KIF26B: variants seen among roughly 807,000 people sequenced by gnomAD.
KIF26B encodes the protein kinesin family member 26B.
KIF26B carries 63 observed loss-of-function variants against 151.2 expected under a neutral mutation model. The observed-to-expected ratio is 0.42, with a 90% CI of 0.34 to 0.51. The LOEUF (loss-of-function observed/expected upper bound fraction) is 0.51. Among genes scored for constraint, KIF26B ranks in the 20% least tolerant of loss-of-function variants. The pLI, the probability that KIF26B is intolerant of heterozygous loss-of-function variation, is 0.07. For synonymous variants in KIF26B, 1,357 were observed against 1,262.1 expected, an observed-to-expected ratio of 1.08 and a Z score of -1.59; for missense variants, 2,813 against 2,913.6, an observed-to-expected ratio of 0.97 and a Z score of 0.79.
Position 245,160,027 on chromosome 1 carries a change from G to A in KIF26B, c.465+3344G>A, listed in dbSNP as rs76121847. Among the ~76,000 whole-genome samples, 407 of 152,328 alleles carry A rather than the reference G, an allele frequency of 2.7e-3. 2 individuals carry two copies. Among genetic ancestry groups the A allele is most frequent in the African/African-American group, 9.4e-3 (392 of 41,568 alleles). On this transcript the variant is annotated intron_variant, in intron 2 of 14. Coordinates refer to ENST00000407071, the MANE Select transcript of KIF26B (RefSeq NM_018012.4). ...GCAGCGAGTCTGAGCTTTCTGGAAA[G>A]AGATGGAGGCAGATTTAATAATAAA...
chr1:245,181,140 C>A (rs1238907978), intron 2 of KIF26B, among the ~76,000 whole-genome samples: 1 of 152,114 alleles, frequency 6.6e-6, no homozygotes, highest in East Asian at 1.9e-4. Flanking sequence ...CATACAAATT[C>A]AAGCCCTTTT....
intron 2 of KIF26B, among the ~76,000 whole-genome samples, chr1:245,303,596 TGTTA>T (rs972180513): frequency 6.6e-6 from 1 of 152,234 alleles, no homozygotes; most frequent in African/African-American, 2.4e-5. Context: ...AATTTGGATT[TGTTA>T]ATTGTTTGCA....
intron 4 of KIF26B, among the ~76,000 whole-genome samples, chr1:245,517,705 A>G (rs1661000550): frequency 1.3e-5 from 2 of 152,162 alleles, no homozygotes; most frequent in Non-Finnish European, 2.9e-5. Context: ...AGCACGGAAC[A>G]TATGGAAGAG....
intron 2 of KIF26B, among the ~76,000 whole-genome samples, chr1:245,276,583 A>G (rs766288539): frequency 6.6e-6 from 1 of 152,170 alleles, no homozygotes; most frequent in African/African-American, 2.4e-5. Flanking sequence ...TGGACATTGG[A>G]CTATGATCCA....
intron 2 of KIF26B, among the ~76,000 whole-genome samples, chr1:245,193,295 C>A (rs1000220220): frequency 1.3e-5 from 2 of 152,180 alleles, no homozygotes; most frequent in Non-Finnish European, 2.9e-5. Context: ...TGGCATCTAG[C>A]TTGATTCCAT....
chr1:245,686,182 C>CCG lies in KIF26B; in HGVS notation c.3199_3200insCG (p.Arg1067ProfsTer66). 1.2e-6 allele frequency: 2 copies of CCG among 1,612,536 alleles called. No homozygotes were observed. Among genetic ancestry groups the CCG allele is most frequent in the Non-Finnish European group, 1.7e-6 (2 of 1,179,842 alleles). Reference sequence around the variant, plus strand: ...CAAGCCCAGGCCCATGGGCTCCCCCCGGCTGGGCATCGCCAGCCTGTCCAA... The same window carrying CCG: ...CAAGCCCAGGCCCATGGGCTCCCCCCCGGGCTGGGCATCGCCAGCCTGTCCAA... On this transcript the variant is annotated frameshift_variant, in exon 12 of 15. Transcript: ENST00000407071. LOFTEE classifies it high-confidence loss of function. The surrounding 1 kb of genome is among the most constrained non-coding windows in gnomAD (Gnocchi z 5.6).
At chr1:245,262,682 C>T (rs1256339016) in intron 2 of KIF26B, among the ~76,000 whole-genome samples, 4 of 151,998 alleles carry the variant, frequency 2.6e-5, no homozygotes, top group African/African-American at 7.3e-5. Context: ...CTCAAACTCC[C>T]GACTTCAAGT....
chr1:245,672,532 C>T (rs115851699), intron 10 of KIF26B, among the ~76,000 whole-genome samples: 5 of 152,212 alleles, frequency 3.3e-5, no homozygotes, highest in Admixed American at 2.0e-4. Flanking sequence ...CCCTGTAACA[C>T]AAGGCGTGCC....
chr1:245,457,933 T>C lies in KIF26B; in HGVS notation c.1166+38188T>C, dbSNP rs796549788. Among the ~76,000 whole-genome samples, 4 of 152,208 alleles carry C rather than the reference T, an allele frequency of 2.6e-5. No homozygotes were observed. In the South Asian group the frequency reaches 8.3e-4, roughly 32 times the overall value. On this transcript the variant is annotated intron_variant, in intron 4 of 14. Coordinates refer to ENST00000407071, the MANE Select transcript of KIF26B (RefSeq NM_018012.4). ...ATGGAATTGATTGCTAAGTCATAGG[T>C]ATGGATCTCCTTCTTTTCTAGAAAG...
intron 4 of KIF26B, among the ~76,000 whole-genome samples, chr1:245,484,757 C>CATATTA (rs1201650031): frequency 7.3e-6 from 1 of 136,388 alleles, no homozygotes; most frequent in Non-Finnish European, 1.6e-5. Flanking sequence ...TCTTCTTCTT[C>CATATTA]TTCTTCTTCA....
At chr1:245,361,857 G>A (rs143009138) in intron 2 of KIF26B, among the ~76,000 whole-genome samples, 16 of 152,156 alleles carry the variant, frequency 1.1e-4, no homozygotes, top group Admixed American at 6.5e-4. Context: ...AGAGTGAGCC[G>A]CTTGGGGACT....
chr1:245,585,591 A>C (rs1426135252), intron 5 of KIF26B, among the ~76,000 whole-genome samples: 2 of 152,066 alleles, frequency 1.3e-5, no homozygotes, highest in Non-Finnish European at 2.9e-5. Flanking sequence ...AGTATGTTCT[A>C]TTCCATGGCT....
At chr1:245,238,163 T>G (rs1670148867) in intron 2 of KIF26B, among the ~76,000 whole-genome samples, 1 of 151,956 alleles carries the variant, frequency 6.6e-6, no homozygotes, top group African/African-American at 2.4e-5. Context: ...TGAGACCCCA[T>G]CTCTACTAAA....
intron 2 of KIF26B, among the ~76,000 whole-genome samples, chr1:245,316,769 A>G (rs933714634): frequency 3.9e-5 from 6 of 151,966 alleles, no homozygotes; most frequent in Non-Finnish European, 8.8e-5. Context: ...GCTACATTTT[A>G]TAGAATACTT....
intron 10 of KIF26B, among the ~76,000 whole-genome samples, chr1:245,662,190 T>G (rs1231446155): frequency 6.7e-6 from 1 of 150,204 alleles, no homozygotes; most frequent in African/African-American, 2.5e-5. Context: ...CCAATATATA[T>G]ATACCCAATG....
At chr1:245,270,825 C>T (rs541774431) in intron 2 of KIF26B, among the ~76,000 whole-genome samples, 2 of 152,312 alleles carry the variant, frequency 1.3e-5, no homozygotes, top group South Asian at 4.1e-4. Flanking sequence ...TCCAAGAAAT[C>T]ATTGCCAAGA....
chr1:245,366,552 A>T (rs1020197070), intron 2 of KIF26B, among the ~76,000 whole-genome samples: 2 of 151,992 alleles, frequency 1.3e-5, no homozygotes, highest in African/African-American at 2.4e-5. Context: ...GAAAAAAAAA[A>T]ATATTCTTGA....
chr1:245,440,451 C>A (rs973575422), intron 4 of KIF26B, among the ~76,000 whole-genome samples: 4 of 152,116 alleles, frequency 2.6e-5, no homozygotes, highest in Non-Finnish European at 5.9e-5. Flanking sequence ...TAGGGAACAA[C>A]AAAACAAGCT....
chr1:245,693,478 TA>T (rs2044652546), intron 12 of KIF26B, among the ~76,000 whole-genome samples: 1 of 152,240 alleles, frequency 6.6e-6, no homozygotes, highest in South Asian at 2.1e-4. Context: ...TACTCATGTT[TA>T]TTTTCTGTGT....
Sources: allele counts gnomAD v4.1 joint callset (sites outside exome capture counted in the v4.1 genomes callset), GRCh38; gene constraint gnomAD v4.1.1; non-coding constraint Gnocchi (gnomAD v3.1); transcripts MANE v1.5; gene names NCBI Gene and HGNC (gene_info 2026-07-23, HGNC 2026-07-21).